The following CCSER1 variants were observed in gnomAD, a reference collection of about 807,000 sequenced individuals.
CCSER1 encodes the protein serine-rich coiled-coil domain-containing protein 1.
In CCSER1, 41 loss-of-function variants were observed where a neutral mutation model predicts 82.0. That is an observed-to-expected ratio of 0.50 (90% CI 0.39 to 0.65). The LOEUF is 0.65. CCSER1 is among the 30% of genes least tolerant of loss of function. The pLI is 0.00. For missense variants in CCSER1, 1,119 were observed against 1,064.2 expected (o/e 1.05, Z -0.72); for synonymous variants, 414 against 383.9 (o/e 1.08, Z -0.92).
At chr4:91,569,795 CT>C (rs1185084187) in intron 10 of CCSER1, among the ~76,000 whole-genome samples, 2 of 152,298 alleles carry the variant, frequency 1.3e-5, no homozygotes, top group Non-Finnish European at 2.9e-5. Context: ...CATTCTGCCC[CT>C]GCCTCCTCCC....
At chr4:91,161,970 T>A (rs968915166) in intron 10 of CCSER1, among the ~76,000 whole-genome samples, 8 of 152,188 alleles carry the variant, frequency 5.3e-5, no homozygotes, top group Non-Finnish European at 1.0e-4. Context: ...TCCAACACTA[T>A]GTTGAATAGG....
chr4:90,744,252 G>T (rs6843193), intron 7 of CCSER1, among the ~76,000 whole-genome samples: 1 of 151,854 alleles, frequency 6.6e-6, no homozygotes, highest in Non-Finnish European at 1.5e-5. Context: ...GAAACTATAC[G>T]TATTCGGTTA....
intron 1 of CCSER1, among the ~76,000 whole-genome samples, chr4:90,267,074 C>T (rs756573505): frequency 6.6e-6 from 1 of 152,020 alleles, no homozygotes; most frequent in Non-Finnish European, 1.5e-5. Flanking sequence ...TTTTGGACAG[C>T]ATTTCTAGGC....
intron 1 of CCSER1, among the ~76,000 whole-genome samples, chr4:90,259,224 G>T (rs1179895242): frequency 6.6e-6 from 1 of 151,896 alleles, no homozygotes; most frequent in East Asian, 1.9e-4. Context: ...GTATTTTATT[G>T]TTTTTGCAGC....
chr4:90,797,538 T>A (rs2149686021), intron 7 of CCSER1, among the ~76,000 whole-genome samples: 1 of 152,334 alleles, frequency 6.6e-6, no homozygotes, highest in Non-Finnish European at 1.5e-5. Flanking sequence ...CTGTTTATTT[T>A]GCTACTTGTT....
intron 1 of CCSER1, among the ~76,000 whole-genome samples, chr4:90,250,109 A>C (rs893884410): frequency 2.0e-5 from 3 of 151,984 alleles, no homozygotes; most frequent in Non-Finnish European, 4.4e-5. Context: ...TTGAGTTGAG[A>C]GGTCCTTAAA....
intron 10 of CCSER1, among the ~76,000 whole-genome samples, chr4:91,152,449 C>G (rs1730321520): frequency 6.6e-6 from 1 of 152,142 alleles, no homozygotes; most frequent in Middle Eastern, 3.4e-3. Flanking sequence ...TTACCTTTAC[C>G]TTTATGTTTA....
At chr4:90,252,594 C>T (rs1355840494) in intron 1 of CCSER1, among the ~76,000 whole-genome samples, 1 of 151,680 alleles carries the variant, frequency 6.6e-6, no homozygotes, top group African/African-American at 2.4e-5. Context: ...AATGGTACAT[C>T]TATCCTCTCA....
chr4:91,213,546 A>G (rs1737001561), intron 10 of CCSER1, among the ~76,000 whole-genome samples: 1 of 151,362 alleles, frequency 6.6e-6, no homozygotes, highest in Non-Finnish European at 1.5e-5. Flanking sequence ...TGTCCTCTGT[A>G]AAGTAGACAT....
At position 91,365,189 on chromosome 4, in the gene CCSER1, A is replaced by G. The variant is rs114704288; in HGVS notation, c.2218-233383A>G. Among the ~76,000 whole-genome samples, 938 of 152,284 alleles carry G rather than the reference A, an allele frequency of 6.2e-3. 14 individuals carry two copies. The highest frequency in any genetic ancestry group is 0.021 in the African/African-American group (876 of 41,564). ...GTGTATTTTTCACATATGTATTATT[A>G]GGGCAGTGTAGAAATATTATTGTGA... On this transcript the variant is annotated intron_variant, in intron 10 of 10. Coordinates refer to ENST00000509176, the MANE Select transcript of CCSER1 (RefSeq NM_001145065.2).
intron 7 of CCSER1, among the ~76,000 whole-genome samples, chr4:90,770,035 G>A (rs951253449): frequency 1.3e-5 from 2 of 152,130 alleles, no homozygotes; most frequent in African/African-American, 4.8e-5. Context: ...AGGCTGTGGG[G>A]CCCATTTGTG....
intron 6 of CCSER1, among the ~76,000 whole-genome samples, chr4:90,673,370 A>T (rs559150401): frequency 3.9e-5 from 6 of 152,110 alleles, no homozygotes; most frequent in African/African-American, 1.4e-4. Flanking sequence ...ATTCACCTGT[A>T]TAGAATATCT....
chr4:90,987,165 G>T (rs1031474226), intron 9 of CCSER1, among the ~76,000 whole-genome samples: 1 of 151,398 alleles, frequency 6.6e-6, no homozygotes, highest in African/African-American at 2.4e-5. Context: ...AGCTTAGTTT[G>T]TCTGTCAGGA....
At chr4:91,491,751 A>T (rs1373491897) in intron 10 of CCSER1, among the ~76,000 whole-genome samples, 1 of 152,098 alleles carries the variant, frequency 6.6e-6, no homozygotes, top group Non-Finnish European at 1.5e-5. Flanking sequence ...ATTATTAAAG[A>T]ATAAAACTTT....
intron 10 of CCSER1, among the ~76,000 whole-genome samples, chr4:91,149,765 A>T (rs564871618): frequency 6.6e-6 from 1 of 152,138 alleles, no homozygotes; most frequent in Admixed American, 6.5e-5. Flanking sequence ...TTTTTGTCAG[A>T]TTTGTCAAAG....
intron 9 of CCSER1, among the ~76,000 whole-genome samples, chr4:91,022,630 C>T (rs542974840): frequency 0.012 from 1,863 of 152,182 alleles, 12 homozygotes; most frequent in Non-Finnish European, 0.018. Context: ...CCACCAACAG[C>T]GTAAAAGTGT....
intron 1 of CCSER1, among the ~76,000 whole-genome samples, chr4:90,267,804 C>T (rs758337682): frequency 2.0e-5 from 3 of 152,168 alleles, no homozygotes; most frequent in Non-Finnish European, 2.9e-5. Context: ...GCAGATATGG[C>T]TTCAGTGAAC....
At chr4:90,210,150 T>C (rs910442356) in intron 1 of CCSER1, among the ~76,000 whole-genome samples, 3 of 152,322 alleles carry the variant, frequency 2.0e-5, no homozygotes, top group Admixed American at 6.5e-5. Context: ...AAAAGGTCTT[T>C]TGTTAAAAAG....
intron 6 of CCSER1, among the ~76,000 whole-genome samples, chr4:90,641,776 A>G (rs1182214552): frequency 6.6e-6 from 1 of 152,190 alleles, no homozygotes; most frequent in Non-Finnish European, 1.5e-5. Context: ...GTCATGCATA[A>G]TATTTGATTG....
Sources: allele counts gnomAD v4.1 joint callset (sites outside exome capture counted in the v4.1 genomes callset), GRCh38; gene constraint gnomAD v4.1.1; transcripts MANE v1.5; gene names NCBI Gene and HGNC (gene_info 2026-07-23, HGNC 2026-07-21).